The following PTCHD4 variants were observed in gnomAD, a reference collection of about 807,000 sequenced individuals.
The protein encoded by PTCHD4 is patched domain-containing protein 4.
PTCHD4 carries 33 observed loss-of-function variants against 58.1 expected under a neutral mutation model. The ratio of observed to expected loss-of-function variants is 0.57; its 90% CI spans 0.43 to 0.76. The LOEUF (loss-of-function observed/expected upper bound fraction) is 0.76. PTCHD4 is among the 30% of genes least tolerant of loss of function. PTCHD4 has a pLI of 0.00. For synonymous variants in PTCHD4, 478 were observed against 409.6 expected, an observed-to-expected ratio of 1.17 and a Z score of -2.02; for missense variants, 1,058 against 1,027.1, an observed-to-expected ratio of 1.03 and a Z score of -0.41.
chr6:48,010,042 G>A (rs75515531), intron 3 of PTCHD4, among the ~76,000 whole-genome samples: 9,189 of 152,172 alleles, frequency 0.06, 380 homozygotes, highest in African/African-American at 0.11. Flanking sequence ...AAGAAATCTC[G>A]AAGAGCTGTC....
intron 1 of PTCHD4, among the ~76,000 whole-genome samples, chr6:48,096,366 T>A (rs1479433636): frequency 6.6e-6 from 1 of 152,004 alleles, no homozygotes; most frequent in Non-Finnish European, 1.5e-5. Flanking sequence ...AATCCCAGCA[T>A]TTTAGGAGGC....
chr6:48,105,271 T>A (rs1471096175), intron 1 of PTCHD4, among the ~76,000 whole-genome samples: 1 of 152,134 alleles, frequency 6.6e-6, no homozygotes, highest in Non-Finnish European at 1.5e-5. Context: ...CACAGTGCAA[T>A]CAAACTAGAA....
intron 4 of PTCHD4, among the ~76,000 whole-genome samples, chr6:47,907,201 CTGTT>C (rs1764916766): frequency 6.6e-6 from 1 of 152,162 alleles, no homozygotes; most frequent in Admixed American, 6.5e-5. Flanking sequence ...CAGTAGAAGA[CTGTT>C]TGCCTCCTCA....
rs115035465 is a variant in PTCHD4 at position 48,014,974 on chromosome 6, T to C, written c.418-5860A>G. 1.6e-3 allele frequency among the ~76,000 whole-genome samples: 245 copies of C among 152,268 alleles called. 1 individual carries two copies. Among genetic ancestry groups the C allele is most frequent in the African/African-American group, 5.5e-3 (227 of 41,560 alleles). On this transcript the variant is annotated intron_variant, in intron 3 of 4. Coordinates refer to ENST00000339488, the MANE Select transcript of PTCHD4 (RefSeq NM_001384253.1). Reference sequence around the variant, plus strand: ...AGTTATTTCACTTGCAGACCCCCTTTTCCAATGTCGTCCTCTCCACTAAGG... The same window carrying C: ...AGTTATTTCACTTGCAGACCCCCTTCTCCAATGTCGTCCTCTCCACTAAGG...
rs1763730277 is a variant in PTCHD4, at chr6:47,872,191, T to A, written c.*6112A>T. Reference sequence around the variant, plus strand: ...ATAACATACTGTAGACTGCCGCTACTGAGAATATAAGTTAAATTTATATAG... The same window carrying A: ...ATAACATACTGTAGACTGCCGCTACAGAGAATATAAGTTAAATTTATATAG... On this transcript the variant is annotated 3_prime_UTR_variant, in exon 5 of 5. Coordinates refer to ENST00000339488, the MANE Select transcript of PTCHD4 (RefSeq NM_001384253.1). 6.6e-6 allele frequency among the ~76,000 whole-genome samples: 1 copy of A among 151,658 alleles called. No individual in the cohort carries two copies. Among genetic ancestry groups the A allele is most frequent in the African/African-American group, 2.4e-5 (1 of 41,368 alleles).
At chr6:48,084,719 CT>C (rs1053330639) in intron 1 of PTCHD4, among the ~76,000 whole-genome samples, 248 of 149,158 alleles carry the variant, frequency 1.7e-3, no homozygotes, top group African/African-American at 5.8e-3. Context: ...GAGTACTTTT[CT>C]TTTTTTCTTT....
In PTCHD4 at chr6:47,879,385, C is replaced by T; in HGVS notation, c.1450G>A (p.Asp484Asn). 6.2e-7 allele frequency: 1 copy of T among 1,613,654 alleles called. No individual in the cohort carries two copies. ...FSFMGCLQIS[D>N]GANIINLLAS... Reference sequence around the variant, plus strand: ...AGTAGATTGATGATGTTGGCTCCGTCACTGATCTGTAAGCACCCCATGAAG... The same window carrying T: ...AGTAGATTGATGATGTTGGCTCCGTTACTGATCTGTAAGCACCCCATGAAG... The change falls in exon 5 of 5, where the codon GAC (aspartate) becomes AAC (asparagine). Residue 484 changes from aspartate (D) to asparagine (N), a missense_variant. Coordinates refer to ENST00000339488, the MANE Select transcript of PTCHD4 (RefSeq NM_001384253.1).
chr6:47,950,545 T>C (rs1581922344), intron 4 of PTCHD4, among the ~76,000 whole-genome samples: 1 of 152,176 alleles, frequency 6.6e-6, no homozygotes, highest in East Asian at 1.9e-4. Flanking sequence ...GAAAGAATAG[T>C]GGAAGAGTTA....
intron 4 of PTCHD4, among the ~76,000 whole-genome samples, chr6:47,993,216 A>G (rs1252249469): frequency 6.6e-6 from 1 of 152,210 alleles, no homozygotes; most frequent in Admixed American, 6.5e-5. Flanking sequence ...GAAGTCACCA[A>G]TGCAATAATT....
chr6:47,992,505 C>T (rs985517363), intron 4 of PTCHD4, among the ~76,000 whole-genome samples: 3 of 152,144 alleles, frequency 2.0e-5, no homozygotes, highest in African/African-American at 7.2e-5. Flanking sequence ...GAGCAGTCTT[C>T]ATATGTGTCA....
chr6:47,886,167 A>G (rs1246786617), intron 4 of PTCHD4, among the ~76,000 whole-genome samples: 3 of 148,934 alleles, frequency 2.0e-5, no homozygotes, highest in African/African-American at 4.9e-5. Context: ...TAAATCCAAT[A>G]TCATTTTTAC....
chr6:48,067,017 T>C (rs979280585), intron 3 of PTCHD4, among the ~76,000 whole-genome samples: 2 of 152,148 alleles, frequency 1.3e-5, no homozygotes, highest in Admixed American at 6.5e-5. Context: ...TTCCACTATC[T>C]CCACAGATGC....
Position 47,890,749 on chromosome 6 carries a change from T to C in PTCHD4, c.899-10813A>G, listed in dbSNP as rs577922241. The C allele has an allele frequency of 1.7e-4, 45 of 262,062 alleles. No homozygotes were observed. In the South Asian group the frequency reaches 6.5e-3, roughly 38 times the overall value. The allele number at this position is 262,062 out of a possible 1,614,324, so 16.2% of individuals were successfully genotyped here. A position where few individuals can be genotyped will look rare whatever the true frequency, so the allele number is the denominator to read the frequency against. On this transcript the variant is annotated intron_variant, in intron 4 of 4. Coordinates refer to ENST00000339488, the MANE Select transcript of PTCHD4 (RefSeq NM_001384253.1). ...ATTCCCGGAGCTCTCTTTTCAGCTT[T>C]CCTTGCTGCAGGGCCTTGGTGCTGC...
chr6:48,066,541 A>T (rs1764804972), intron 3 of PTCHD4, among the ~76,000 whole-genome samples: 1 of 152,242 alleles, frequency 6.6e-6, no homozygotes, highest in Non-Finnish European at 1.5e-5. Context: ...TAGGTTAGGA[A>T]GATTACCTCT....
In PTCHD4 at chr6:47,863,047, T is replaced by C. The variant is rs541934768; in HGVS notation, c.*15256A>G. Among the ~76,000 whole-genome samples the C allele has an allele frequency of 6.6e-6, 1 of 152,044 alleles. No homozygotes were observed. Among genetic ancestry groups the C allele is most frequent in the African/African-American group, 2.4e-5 (1 of 41,552 alleles). On this transcript the variant is annotated 3_prime_UTR_variant, in exon 5 of 5. Transcript: ENST00000339488. ...TTTCAAGTAGCATTTCGTGATAATA[T>C]AGGAACAAAAAGATCTTCAAATTCT...
intron 1 of PTCHD4, among the ~76,000 whole-genome samples, chr6:48,082,468 CCA>C (rs938379417): frequency 4.0e-5 from 6 of 151,702 alleles, no homozygotes; most frequent in Admixed American, 2.0e-4. Flanking sequence ...ACAGATGAAA[CCA>C]CACACACACA....
intron 4 of PTCHD4, among the ~76,000 whole-genome samples, chr6:47,905,043 T>TCACACACA (rs70999653): frequency 0.18 from 22,996 of 131,358 alleles, 2,367 homozygotes; most frequent in Non-Finnish European, 0.22. Flanking sequence ...AATACAGCCA[T>TCACACACA]CACACACACA....
intron 4 of PTCHD4, among the ~76,000 whole-genome samples, chr6:47,935,548 A>G (rs181606336): frequency 1.3e-5 from 2 of 152,316 alleles, no homozygotes; most frequent in East Asian, 1.9e-4. Flanking sequence ...TCAAACCCCA[A>G]GAAAGCATTT....
In PTCHD4 at chr6:47,873,133, C is replaced by A. The variant is rs904692722; in HGVS notation, c.*5170G>T. 6.6e-6 allele frequency among the ~76,000 whole-genome samples: 1 copy of A among 151,580 alleles called. No homozygotes were observed. The highest frequency in any genetic ancestry group is 2.4e-5 in the African/African-American group (1 of 41,356). On this transcript the variant is annotated 3_prime_UTR_variant, in exon 5 of 5. Coordinates refer to ENST00000339488, the MANE Select transcript of PTCHD4 (RefSeq NM_001384253.1). ...TCCTTTGTGCTTGGAAATTCAGGAGCACCTCCCACTGCAAAGATTAGGTTA... is the reference window on the plus strand; with the variant it reads ...TCCTTTGTGCTTGGAAATTCAGGAGAACCTCCCACTGCAAAGATTAGGTTA...
Sources: gnomAD v4.1 joint callset for allele counts (sites outside exome capture counted in the v4.1 genomes callset) on GRCh38, gnomAD v4.1.1 for gene constraint, MANE v1.5 for transcripts, NCBI Gene and HGNC (gene_info 2026-07-23, HGNC 2026-07-21) for gene names.